DGKH: variants seen among roughly 807,000 people sequenced by gnomAD.
DGKH encodes diacylglycerol kinase eta, also known as DAG kinase eta.
In DGKH, 90 loss-of-function variants were observed where a neutral mutation model predicts 159.3. The observed-to-expected ratio is 0.57, with a 90% confidence interval of 0.48 to 0.67. The LOEUF (loss-of-function observed/expected upper bound fraction) is 0.67, where lower values mean the gene tolerates loss of function less well. Among genes scored for constraint, DGKH ranks in the 30% least tolerant of loss-of-function variants. DGKH has a pLI of 0.00. For missense variants in DGKH, 1,181 were observed against 1,506.1 expected (o/e 0.78, Z 3.57); for synonymous variants, 536 against 553.8 (o/e 0.97, Z 0.45).
Position 42,198,566 on chromosome 13 carries a change from G to A in DGKH, c.2256G>A (p.Thr752=), listed in dbSNP as rs764270428. 1.6e-5 allele frequency: 26 copies of A among 1,612,872 alleles called. No individual in the cohort carries two copies. In the South Asian group the frequency reaches 1.9e-4, roughly 12 times the overall value. ...LLANIDPFGA[T]PFIDPDLDSV... is the part of the protein sequence containing the mutation. ...CAAACATTGATCCTTTTGGTGCCAC[G>A]CCGTTTATTGACCCGGATCTAGATT... Residue 752 remains threonine, a synonymous_variant, in exon 18 of 30, where the codon ACG becomes ACA. Coordinates refer to ENST00000337343, the MANE Select transcript of DGKH (RefSeq NM_178009.5).
At chr13:42,053,534 A>T (rs28428609) in intron 1 of DGKH, among the ~76,000 whole-genome samples, 27,338 of 81,848 alleles carry the variant, frequency 0.33, 3,367 homozygotes, top group African/African-American at 0.51. Context: ...ATAACTATAT[A>T]TGTATATATA....
At chr13:42,172,141 A>T (rs1190075408) in intron 11 of DGKH, among the ~76,000 whole-genome samples, 1 of 148,576 alleles carries the variant, frequency 6.7e-6, no homozygotes, top group African/African-American at 2.5e-5. Context: ...TTTTTTTGAG[A>T]TAGAGTTTCG....
intron 1 of DGKH, among the ~76,000 whole-genome samples, chr13:42,124,829 A>G (rs1428343700): frequency 6.6e-6 from 1 of 152,178 alleles, no homozygotes; most frequent in Non-Finnish European, 1.5e-5. Flanking sequence ...TCTGTGCAAA[A>G]TGGGGCCTGG....
At chr13:42,247,895 G>A (rs1195201695), downstream of DGKH, among the ~76,000 whole-genome samples, 1 of 152,136 alleles carries the variant, frequency 6.6e-6, no homozygotes, top group East Asian at 1.9e-4. Flanking sequence ...TTTAATCTAA[G>A]TGTTAGTACA....
rs1393892898 is a variant in DGKH at position 42,210,749 on chromosome 13, G to C, written c.2998G>C (p.Glu1000Gln). 1 of 1,612,502 alleles carries C rather than the reference G, an allele frequency of 6.2e-7. No individual in the cohort carries two copies. The highest frequency in any genetic ancestry group is 1.7e-5 in the Admixed American group (1 of 59,980). Residue 1000 changes from glutamate (E) to glutamine (Q), a missense_variant, in exon 24 of 30, where the codon GAG (glutamate) becomes CAG (glutamine). Coordinates refer to ENST00000337343, the MANE Select transcript of DGKH (RefSeq NM_178009.5). ...GATGCAGCTATGCTCCCAGGCTGCA[G>C]AGGAGCTCATTACTAGGTAGGGGGC... is the stretch of plus-strand genomic sequence containing the variant. ...SQMQLCSQAA[E>Q]ELITRICDAA...
Position 42,221,036 on chromosome 13 carries a change from C to G in DGKH, c.3443-228C>G, listed in dbSNP as rs1048038865. The G allele has an allele frequency of 1.3e-4, 52 of 405,826 alleles. 2 individuals are homozygous for G. The highest frequency in any genetic ancestry group is 1.7e-4 in the Non-Finnish European group (40 of 231,124). The allele number at this position is 405,826 out of a possible 1,614,324, so 25.1% of individuals were successfully genotyped here. ...ATGAGGAAACTGGACTAAAGCTAAG[C>G]ATGGGTGCACGGCAGCAAATGGTTT... On this transcript the variant is annotated intron_variant, in intron 28 of 29. Transcript: ENST00000337343.
At chr13:42,051,909 C>T (rs1881348531) in intron 1 of DGKH, among the ~76,000 whole-genome samples, 1 of 152,102 alleles carries the variant, frequency 6.6e-6, no homozygotes, top group South Asian at 2.1e-4. Context: ...AGGTGATCTG[C>T]CCACCTTGGC....
In DGKH at chr13:42,219,342, A is replaced by G. The variant is rs1957903743; in HGVS notation, c.3326A>G (p.Glu1109Gly). The change falls in exon 27 of 30, where the codon GAG becomes GGG. Residue 1109 changes from glutamate (E) to glycine (G), a missense_variant. Transcript: ENST00000337343. ...PWLYYILHPN[E>G]DEEPPMDCTK... ...CTTTATTATATCTTACACCCAAATGAGGATGAGGTATGTAAAATTCAGCCT... is the reference window on the plus strand; with the variant it reads ...CTTTATTATATCTTACACCCAAATGGGGATGAGGTATGTAAAATTCAGCCT... 6.2e-7 allele frequency: 1 copy of G among 1,613,668 alleles called. No homozygotes were observed. Among genetic ancestry groups the G allele is most frequent in the Non-Finnish European group, 8.5e-7 (1 of 1,179,812 alleles).
intron 13 of DGKH, among the ~76,000 whole-genome samples, 160 bp from the exon 14 acceptor site, chr13:42,186,889 T>A (rs189450734): frequency 2.0e-5 from 3 of 152,260 alleles, no homozygotes; most frequent in Non-Finnish European, 4.4e-5. Flanking sequence ...CTTGGACTTA[T>A]GTGAGACAAA....
intron 16 of DGKH, among the ~76,000 whole-genome samples, chr13:42,192,186 A>G (rs952671310): frequency 6.6e-6 from 1 of 152,130 alleles, no homozygotes; most frequent in Non-Finnish European, 1.5e-5. Context: ...GAGACTCTTA[A>G]AAACTTTGAA....
chr13:42,053,536 GTATATATATAACTATATA>G (rs1392882679), intron 1 of DGKH, among the ~76,000 whole-genome samples: 4 of 51,878 alleles, frequency 7.7e-5, no homozygotes, highest in Admixed American at 2.7e-4. Context: ...AACTATATAT[GTATATATATAACTATATA>G]TGTATATATA....
rs764881374 is a variant in DGKH at position 42,190,531 on chromosome 13, G to A, written c.2035+6G>A. 1.6e-5 allele frequency: 25 copies of A among 1,566,972 alleles called. No individual in the cohort carries two copies. Among genetic ancestry groups the A allele is most frequent in the Non-Finnish European group, 1.9e-5 (22 of 1,163,730 alleles). ...TGCCAAAGAATCAATAACTGGTGAG[G>A]AAACTGGGAAAAAATTATTTTGGAA... On this transcript the variant is annotated splice_donor_region_variant and intron_variant, in intron 16 of 29. Transcript: ENST00000337343.
intron 1 of DGKH, among the ~76,000 whole-genome samples, chr13:42,054,766 G>T (rs567256033): frequency 1.6e-4 from 25 of 152,276 alleles, no homozygotes; most frequent in Middle Eastern, 3.4e-3. Context: ...AATTAAGTAT[G>T]TGAGGTGATG....
chr13:42,190,326 C>G (rs896561411), intron 15 of DGKH, 77 bp from the exon 16 acceptor site: 1 of 1,513,060 alleles, frequency 6.6e-7, no homozygotes, highest in South Asian at 1.3e-5. Flanking sequence ...TTTCAATTTG[C>G]CTTTCCTGAG....
chr13:42,142,172 T>A (rs1955579803), intron 3 of DGKH, among the ~76,000 whole-genome samples: 1 of 152,224 alleles, frequency 6.6e-6, no homozygotes, highest in Non-Finnish European at 1.5e-5. Flanking sequence ...CCATTTCTTG[T>A]TTTAGTCAGG....
intron 15 of DGKH, 69 bp from the exon 16 acceptor site, chr13:42,190,334 G>T (rs983501021): frequency 3.9e-6 from 6 of 1,544,364 alleles, no homozygotes; most frequent in African/African-American, 1.4e-5. Context: ...TGCCTTTCCT[G>T]AGCATATCTT....
At chr13:42,102,441 G>T (rs1402373338) in intron 1 of DGKH, among the ~76,000 whole-genome samples, 1 of 152,258 alleles carries the variant, frequency 6.6e-6, no homozygotes, top group African/African-American at 2.4e-5. Flanking sequence ...GGCCTTGGCA[G>T]TGGAGGCTGG....
chr13:42,065,528 A>C (rs1476522153), intron 1 of DGKH, among the ~76,000 whole-genome samples: 1 of 152,194 alleles, frequency 6.6e-6, no homozygotes, highest in Non-Finnish European at 1.5e-5. Context: ...AAGGGAGTGG[A>C]TATAATGAAG....
At chr13:42,211,106 C>T (rs565838814) in intron 24 of DGKH, among the ~76,000 whole-genome samples, 1 of 152,102 alleles carries the variant, frequency 6.6e-6, no homozygotes, top group East Asian at 1.9e-4. Context: ...ATTTTGAGAC[C>T]ACACATAACA....
Sources: allele counts gnomAD v4.1 joint callset (sites outside exome capture counted in the v4.1 genomes callset), GRCh38; gene constraint gnomAD v4.1.1; transcripts MANE v1.5; gene names NCBI Gene and HGNC (gene_info 2026-07-23, HGNC 2026-07-21).